The following KIF21A variants were observed in gnomAD, a reference collection of about 807,000 sequenced individuals.
The protein encoded by KIF21A is kinesin-like protein KIF21A.
Under a neutral mutation model 202.9 loss-of-function variants are expected in KIF21A, and 114 were observed. The observed-to-expected ratio is 0.56, with a 90% confidence interval of 0.48 to 0.66. The LOEUF (loss-of-function observed/expected upper bound fraction) is 0.66, where lower values mean the gene tolerates loss of function less well. Ranked by LOEUF, KIF21A falls within the 30% of genes least tolerant of loss-of-function variation. The pLI is 0.00. For missense variants in KIF21A, 1,677 were observed against 1,994.9 expected, an observed-to-expected ratio of 0.84 and a Z score of 3.04; for synonymous variants, 667 against 670.8, an observed-to-expected ratio of 0.99 and a Z score of 0.09.
In KIF21A at chr12:39,443,068, T is replaced by TGCGG. The variant is rs1168340225; in HGVS notation, c.-102_-99dup. The TGCGG allele has an allele frequency of 1.5e-5, 19 of 1,276,344 alleles. No individual in the cohort carries two copies. Among genetic ancestry groups the TGCGG allele is most frequent in the Non-Finnish European group, 1.9e-5 (19 of 979,990 alleles). 79.1% of individuals were successfully genotyped at this position (1,276,344 alleles called of 1,614,324 possible). ...CTCGGGCGCAGTAGGCTGGGGCGTC[T>TGCGG]GCGGGCGGGCGGCCGGCTCACCTCC... On this transcript the variant is annotated 5_prime_UTR_variant, in exon 1 of 38. Coordinates refer to ENST00000361418, the MANE Select transcript of KIF21A (RefSeq NM_001173464.2).
In KIF21A at chr12:39,311,478, C is replaced by T. The variant is rs1944026323; in HGVS notation, c.4035G>A (p.Gly1345=). Residue 1345 remains glycine (G), a synonymous_variant, in exon 32 of 38, where the codon GGG becomes GGA. Coordinates refer to ENST00000361418, the MANE Select transcript of KIF21A (RefSeq NM_001173464.2). ...FPLQCIHIAE[G]HTKAVLCVDS... is the part of the protein sequence containing the mutation. Reference sequence around the variant, plus strand: ...CCACACAGAGCACAGCTTTTGTATGCCCTTCAGCTATGTGAATACACTGAA... The same window carrying T: ...CCACACAGAGCACAGCTTTTGTATGTCCTTCAGCTATGTGAATACACTGAA... 6.2e-7 allele frequency: 1 copy of T among 1,613,062 alleles called. No homozygotes were observed. Among genetic ancestry groups the T allele is most frequent in the Non-Finnish European group, 8.5e-7 (1 of 1,179,172 alleles).
Position 39,301,332 on chromosome 12 carries a change from G to C in KIF21A, c.4931+148C>G, listed in dbSNP as rs868410613. 1.6e-4 allele frequency: 122 copies of C among 772,110 alleles called. 1 individual carries two copies. In the Middle Eastern group the frequency reaches 3.4e-3, roughly 21 times the overall value. 47.8% of individuals were successfully genotyped at this position (772,110 alleles called of 1,614,324 possible). A position where few individuals can be genotyped will look rare whatever the true frequency, so the allele number is the denominator to read the frequency against. On this transcript the variant is annotated intron_variant, in intron 37 of 37. Coordinates refer to ENST00000361418, the MANE Select transcript of KIF21A (RefSeq NM_001173464.2). ...AAATTCAGTGCCCACATGTACATCAGAAAATATGAATAAGACATCTTAAAA... is the reference window on the plus strand; with the variant it reads ...AAATTCAGTGCCCACATGTACATCACAAAATATGAATAAGACATCTTAAAA...
In KIF21A at chr12:39,315,989, A is replaced by C. The variant is rs1268458320; in HGVS notation, c.3909-19T>G. The C allele has an allele frequency of 6.4e-7, 1 of 1,570,962 alleles. No individual in the cohort carries two copies. Among genetic ancestry groups the C allele is most frequent in the Non-Finnish European group, 8.8e-7 (1 of 1,140,940 alleles). ...ATCAGACCTATAGTGAAAGAGTTAGAATTATGAGAGAAAGAATACAGATGT... is the reference window on the plus strand; with the variant it reads ...ATCAGACCTATAGTGAAAGAGTTAGCATTATGAGAGAAAGAATACAGATGT... On this transcript the variant is annotated intron_variant, in intron 29 of 37. Transcript: ENST00000361418.
chr12:39,399,026 C>A (rs1486164861), intron 1 of KIF21A, among the ~76,000 whole-genome samples: 1 of 152,058 alleles, frequency 6.6e-6, no homozygotes, highest in African/African-American at 2.4e-5. Flanking sequence ...GAGTTCAAGA[C>A]CAGCCTAGGC....
At chr12:39,431,163 G>A (rs547093136) in intron 1 of KIF21A, among the ~76,000 whole-genome samples, 1 of 152,296 alleles carries the variant, frequency 6.6e-6, no homozygotes, top group African/African-American at 2.4e-5. Flanking sequence ...TGGCATGGAA[G>A]TGAAGTAATG....
chr12:39,367,821 G>T, intron 4 of KIF21A, 62 bp downstream of exon 4: 1 of 1,294,560 alleles, frequency 7.7e-7, no homozygotes, highest in Non-Finnish European at 1.1e-6. Context: ...CAGATTATCA[G>T]CAAAGCTCAC....
chr12:39,303,921 A>G (rs1381056205), intron 35 of KIF21A, among the ~76,000 whole-genome samples: 1 of 152,112 alleles, frequency 6.6e-6, no homozygotes, highest in African/African-American at 2.4e-5. Flanking sequence ...GTTTCTTTTT[A>G]TCTTCAAACT....
intron 34 of KIF21A, among the ~76,000 whole-genome samples, chr12:39,307,145 G>A (rs1221617705): frequency 6.6e-6 from 1 of 151,522 alleles, no homozygotes; most frequent in Non-Finnish European, 1.5e-5. Context: ...AAATTCTGAG[G>A]ACTTTATGCC....
rs565801731 is a variant in KIF21A, at chr12:39,358,000, G to A, written c.1215+178C>T. On this transcript the variant is annotated intron_variant, in intron 8 of 37. Transcript: ENST00000361418. ...GAACAAACAGTTGTTAAGTTAGACT[G>A]AACATAGTTAAAGACTGTCCACAAG... Among the ~76,000 whole-genome samples the A allele has an allele frequency of 1.3e-4, 18 of 134,106 alleles. 1 individual carries two copies. The South Asian group carries it at 4.3e-3, about 32-fold the overall frequency. The allele number at this position is 134,106 out of a possible 152,430, so 88.0% of individuals were successfully genotyped here. A position where few individuals can be genotyped will look rare whatever the true frequency, so the allele number is the denominator to read the frequency against.
At chr12:39,380,816 A>G (rs1188850810) in intron 1 of KIF21A, among the ~76,000 whole-genome samples, 1 of 152,186 alleles carries the variant, frequency 6.6e-6, no homozygotes, top group Non-Finnish European at 1.5e-5. Context: ...GAATAAAAGT[A>G]ATAACTGGAT....
rs2138144740 is a variant in KIF21A, at chr12:39,332,922, G to A, written c.2673C>T (p.Ala891=). Residue 891 remains alanine (A), a synonymous_variant, in exon 19 of 38, where the codon GCC becomes GCT. Coordinates refer to ENST00000361418, the MANE Select transcript of KIF21A (RefSeq NM_001173464.2). ...KMRIPVARVQ[A]LPTPATNGNR... The stretch of plus-strand genomic sequence containing the variant: ...TTCCATTTGTTGCCGGCGTTGGTAA[G>A]GCCTGGACTCTCGCCACAGGAATTC... 6.2e-7 allele frequency: 1 copy of A among 1,613,986 alleles called. No individual in the cohort carries two copies. The highest frequency in any genetic ancestry group is 2.2e-5 in the East Asian group (1 of 44,884).
rs182546769 is a variant in KIF21A at position 39,426,602 on chromosome 12, G to C, written c.44+16325C>G. ...ATTTTGGAAATTAAGGCCGGGCACG[G>C]TGGCTCACGCCTGTAATCCCAGCAC... On this transcript the variant is annotated intron_variant, in intron 1 of 37. Coordinates refer to ENST00000361418, the MANE Select transcript of KIF21A (RefSeq NM_001173464.2). Among the ~76,000 whole-genome samples the C allele has an allele frequency of 2.0e-3, 303 of 152,164 alleles. 3 individuals are homozygous for C. The highest frequency in any genetic ancestry group is 7.0e-3 in the African/African-American group (291 of 41,512).
intron 1 of KIF21A, among the ~76,000 whole-genome samples, chr12:39,436,448 A>ATTTTTTTT (rs1160949360): frequency 6.3e-5 from 6 of 95,758 alleles, no homozygotes; most frequent in East Asian, 3.2e-4. Context: ...ATATATATAT[A>ATTTTTTTT]TTTTTTTTTT....
chr12:39,404,641 G>A (rs1162980440), intron 1 of KIF21A, among the ~76,000 whole-genome samples: 2 of 152,098 alleles, frequency 1.3e-5, no homozygotes, highest in Non-Finnish European at 2.9e-5. Flanking sequence ...CCATCTACTT[G>A]CAATGTAATA....
At chr12:39,412,837 A>G (rs1158869752) in intron 1 of KIF21A, among the ~76,000 whole-genome samples, 3 of 152,226 alleles carry the variant, frequency 2.0e-5, no homozygotes, top group Non-Finnish European at 4.4e-5. Flanking sequence ...TCAAGCCCTC[A>G]AAGATATGAT....
At chr12:39,421,777 A>C (rs1954298916) in intron 1 of KIF21A, among the ~76,000 whole-genome samples, 1 of 146,142 alleles carries the variant, frequency 6.8e-6, no homozygotes, top group African/African-American at 2.5e-5. Flanking sequence ...TTATATATAA[A>C]AATAAAATAT....
chr12:39,348,658 AG>A (rs1269983355), intron 11 of KIF21A, among the ~76,000 whole-genome samples: 1 of 152,118 alleles, frequency 6.6e-6, no homozygotes, highest in Non-Finnish European at 1.5e-5. Context: ...GAGCTTCCAA[AG>A]AATTTGTGAA....
At chr12:39,430,078 G>A (rs1425300971) in intron 1 of KIF21A, among the ~76,000 whole-genome samples, 2 of 151,824 alleles carry the variant, frequency 1.3e-5, no homozygotes, top group Non-Finnish European at 2.9e-5. Flanking sequence ...GGCTGGGCAC[G>A]GTGGCTCATG....
At chr12:39,341,937 C>T (rs1164470645) in intron 13 of KIF21A, 97 bp downstream of exon 13, 2 of 812,266 alleles carry the variant, frequency 2.5e-6, no homozygotes, top group Non-Finnish European at 4.3e-6. Flanking sequence ...GCATCATAAG[C>T]AGTTCACTTT....
Sources: allele counts gnomAD v4.1 joint callset (sites outside exome capture counted in the v4.1 genomes callset), GRCh38; gene constraint gnomAD v4.1.1; transcripts MANE v1.5; gene names NCBI Gene and HGNC (gene_info 2026-07-23, HGNC 2026-07-21).